Variants in CNTN5 observed in about 807,000 individuals in gnomAD.
The protein encoded by CNTN5 is contactin-5.
In CNTN5, 77 loss-of-function variants were observed where a neutral mutation model predicts 129.1. The ratio of observed to expected loss-of-function variants is 0.60; its 90% CI spans 0.50 to 0.72. The LOEUF (loss-of-function observed/expected upper bound fraction) is 0.72, where lower values mean the gene tolerates loss of function less well. Ranked by LOEUF, CNTN5 falls within the 30% of genes least tolerant of loss-of-function variation. The pLI is 0.00. For synonymous variants in CNTN5, 509 were observed against 465.6 expected (o/e 1.09, Z -1.20); for missense variants, 1,478 against 1,328.8 (o/e 1.11, Z -1.75).
At chr11:99,499,897 A>G (rs77686075) in intron 2 of CNTN5, among the ~76,000 whole-genome samples, 2,199 of 152,292 alleles carry the variant, frequency 0.014, 51 homozygotes, top group African/African-American at 0.05. Context: ...GGTGCCATAG[A>G]AAAAGTTAGA....
chr11:100,083,962 T>G (rs543881519), intron 13 of CNTN5, among the ~76,000 whole-genome samples: 2 of 152,156 alleles, frequency 1.3e-5, no homozygotes, highest in African/African-American at 2.4e-5. Context: ...CAACGAGAGA[T>G]AACACTGAGA....
At chr11:99,768,025 C>A (rs113574273) in intron 3 of CNTN5, among the ~76,000 whole-genome samples, 1,541 of 152,144 alleles carry the variant, frequency 0.01, 21 homozygotes, top group African/African-American at 0.035. Context: ...AATCTATGCC[C>A]ATTTATTTAT....
At chr11:100,229,216 T>G (rs1949442592) in intron 16 of CNTN5, among the ~76,000 whole-genome samples, 1 of 152,100 alleles carries the variant, frequency 6.6e-6, no homozygotes, top group African/African-American at 2.4e-5. Flanking sequence ...CACAAAATAT[T>G]TATTTTACCC....
intron 16 of CNTN5, among the ~76,000 whole-genome samples, chr11:100,252,360 G>A (rs73563723): frequency 0.056 from 8,491 of 152,078 alleles, 795 homozygotes; most frequent in African/African-American, 0.19. Context: ...TCCATTCTGC[G>A]AGTTGTCCTT....
intron 7 of CNTN5, among the ~76,000 whole-genome samples, chr11:99,956,602 G>C (rs897340691): frequency 6.6e-6 from 1 of 152,126 alleles, no homozygotes; most frequent in African/African-American, 2.4e-5. Flanking sequence ...GTCAAGGTCA[G>C]ACATCGTAAG....
chr11:99,859,474 G>A (rs1448607595), intron 6 of CNTN5, among the ~76,000 whole-genome samples: 1 of 152,126 alleles, frequency 6.6e-6, no homozygotes, highest in African/African-American at 2.4e-5. Context: ...ACTTAGCATG[G>A]AACCCAGTAG....
At chr11:99,819,789 C>T in intron 4 of CNTN5, 24 bp downstream of exon 4, 1 of 223,098 alleles carries the variant, frequency 4.5e-6, no homozygotes, top group Non-Finnish European at 6.1e-6. Flanking sequence ...GAAAATGGCT[C>T]CAGATAGAAT....
intron 8 of CNTN5, among the ~76,000 whole-genome samples, chr11:99,998,137 G>T (rs962671709): frequency 6.6e-6 from 1 of 151,606 alleles, no homozygotes; most frequent in Admixed American, 6.6e-5. Context: ...TCAACAGAGT[G>T]TTGGAAGTTC....
intron 6 of CNTN5, among the ~76,000 whole-genome samples, chr11:99,864,075 A>G (rs1948289436): frequency 6.6e-6 from 1 of 152,162 alleles, no homozygotes; most frequent in Non-Finnish European, 1.5e-5. Flanking sequence ...ATGTATCTCA[A>G]GTGCTTTATA....
At chr11:99,219,565 A>G (rs1252617984) in intron 1 of CNTN5, among the ~76,000 whole-genome samples, 2 of 151,848 alleles carry the variant, frequency 1.3e-5, no homozygotes, top group Admixed American at 1.3e-4. Flanking sequence ...TTATAGAATG[A>G]TATCAGAGAT....
intron 2 of CNTN5, among the ~76,000 whole-genome samples, chr11:99,390,937 G>GT (rs971824940): frequency 1.3e-5 from 2 of 151,956 alleles, no homozygotes; most frequent in Non-Finnish European, 2.9e-5. Context: ...ATTTTTTAAT[G>GT]TTTTTATTAT....
chr11:99,853,769 C>A (rs1947949144), intron 6 of CNTN5, among the ~76,000 whole-genome samples: 1 of 151,970 alleles, frequency 6.6e-6, no homozygotes, highest in South Asian at 2.1e-4. Flanking sequence ...GATGCACCAC[C>A]ACCCCCTTTA....
chr11:99,617,633 A>AT (rs959705243), intron 3 of CNTN5, among the ~76,000 whole-genome samples: 1 of 152,176 alleles, frequency 6.6e-6, no homozygotes, highest in Admixed American at 6.5e-5. Context: ...TCTAGAGGAG[A>AT]TTTTTTCGAT....
At chr11:99,663,842 C>T (rs541195820) in intron 3 of CNTN5, among the ~76,000 whole-genome samples, 2 of 152,280 alleles carry the variant, frequency 1.3e-5, no homozygotes, top group African/African-American at 4.8e-5. Flanking sequence ...TACCCAGTCT[C>T]AGGTAGTATC....
intron 1 of CNTN5, among the ~76,000 whole-genome samples, chr11:99,089,470 T>C (rs1303229210): frequency 6.6e-6 from 1 of 152,204 alleles, no homozygotes; most frequent in African/African-American, 2.4e-5. Context: ...CATGGACGAA[T>C]AGTGTTTTCA....
intron 13 of CNTN5, among the ~76,000 whole-genome samples, chr11:100,116,280 T>C (rs187369841): frequency 8.9e-4 from 135 of 152,124 alleles, no homozygotes; most frequent in African/African-American, 3.1e-3. Context: ...AGAAAATACA[T>C]TTTACCTTGC....
chr11:99,420,285 A>G (rs1426663116), intron 2 of CNTN5, among the ~76,000 whole-genome samples: 1 of 152,166 alleles, frequency 6.6e-6, no homozygotes, highest in East Asian at 1.9e-4. Context: ...GTAAGTCAAA[A>G]AAAATCTGGG....
At chr11:99,815,581 C>T (rs571639066) in intron 3 of CNTN5, among the ~76,000 whole-genome samples, 3 of 152,212 alleles carry the variant, frequency 2.0e-5, no homozygotes, top group East Asian at 3.9e-4. Flanking sequence ...GGTTCCAGAC[C>T]ATGTCCAGAT....
intron 2 of CNTN5, among the ~76,000 whole-genome samples, chr11:99,393,749 A>T (rs1238156360): frequency 6.6e-5 from 10 of 151,736 alleles, no homozygotes; most frequent in Non-Finnish European, 1.2e-4. Context: ...AAAGAAACAT[A>T]TGAGTTCTAT....
Sources: allele counts gnomAD v4.1 joint callset (sites outside exome capture counted in the v4.1 genomes callset), GRCh38; gene constraint gnomAD v4.1.1; transcripts MANE v1.5; gene names NCBI Gene and HGNC (gene_info 2026-07-23, HGNC 2026-07-21).